Variants in ZNF879 observed in about 807,000 individuals in gnomAD.
ZNF879 encodes the protein zinc finger protein 879.
A neutral mutation model predicts 44.3 loss-of-function variants in ZNF879; 32 were observed. The ratio of observed to expected loss-of-function variants is 0.72; its 90% CI spans 0.54 to 0.97. The LOEUF (loss-of-function observed/expected upper bound fraction) is 0.97, where lower values mean the gene tolerates loss of function less well. ZNF879 is among the 50% of genes least tolerant of loss of function. The pLI, the probability that ZNF879 is intolerant of heterozygous loss-of-function variation, is 0.00. For missense variants in ZNF879, 621 were observed against 669.7 expected (o/e 0.93, Z 0.80); for synonymous variants, 234 against 233.2 (o/e 1.00, Z -0.03).
At position 179,032,270 on chromosome 5, in the gene ZNF879, ATAAT is replaced by A; in HGVS notation, c.324_327del (p.Ile108MetfsTer14). 1 of 1,539,272 alleles carries A rather than the reference ATAAT, an allele frequency of 6.5e-7. No homozygotes were observed. The highest frequency in any genetic ancestry group is 8.7e-7 in the Non-Finnish European group (1 of 1,144,098). On this transcript the variant is annotated frameshift_variant, in exon 5 of 5. Coordinates refer to ENST00000444149, the MANE Select transcript of ZNF879 (RefSeq NM_001136116.3). LOFTEE classifies it low-confidence loss of function (END_TRUNC). ...AAATCAGGAAGTCATGAAAAAACTCATAATTGATGGCACATTTGACTTCAAGTTG... is the reference window on the plus strand; with the variant it reads ...AAATCAGGAAGTCATGAAAAAACTCATGATGGCACATTTGACTTCAAGTTG...
In ZNF879 at chr5:179,034,060, TAGAAA is replaced by T. The variant is rs1761516633; in HGVS notation, c.*426_*430del. 6.5e-6 allele frequency: 1 copy of T among 154,920 alleles called. No individual in the cohort carries two copies. Among genetic ancestry groups the T allele is most frequent in the Admixed American group, 6.4e-5 (1 of 15,520 alleles). 9.6% of individuals were successfully genotyped at this position (154,920 alleles called of 1,614,324 possible). ...GCCAGTGGTACTAGAAAGAATGTTT[TAGAAA>T]AGAAATATGTACAGGTGACCCATAG... On this transcript the variant is annotated 3_prime_UTR_variant, in exon 5 of 5. Transcript: ENST00000444149.
rs865979653 is a variant in ZNF879 at position 179,033,288 on chromosome 5, A to G, written c.1340A>G (p.His447Arg). The G allele has an allele frequency of 6.3e-7, 1 of 1,578,794 alleles. No individual in the cohort carries two copies. Among genetic ancestry groups the G allele is most frequent in the Middle Eastern group, 1.7e-4 (1 of 6,030 alleles). The change falls in exon 5 of 5, where the codon CAC becomes CGC. Residue 447 changes from histidine to arginine, a missense_variant. Physicochemically the swap from His to Arg is conservative, Grantham distance 29. Transcript: ENST00000444149. ...TGGATTTCACGGCTTAATATACATC[A>G]CAGAATTCACACTGGAGAGAAACCA... is the stretch of plus-strand genomic sequence containing the variant. The part of the protein sequence containing the change: ...FSWISRLNIH[H>R]RIHTGEKPYN...
rs1195102619 is a variant in ZNF879 at position 179,032,914 on chromosome 5, G to A, written c.966G>A (p.Gly322=). 1 of 1,569,860 alleles carries A rather than the reference G, an allele frequency of 6.4e-7. No homozygotes were observed. ...AGCCCTATAAGTGTAATGAATGTGG[G>A]AGGGCCTTCAGTCAGTGCTCATCTC... is the stretch of plus-strand genomic sequence containing the variant. ...GEKPYKCNEC[G]RAFSQCSSLI... The change falls in exon 5 of 5, where the codon GGG becomes GGA. Residue 322 remains glycine (G), a synonymous_variant. Coordinates refer to ENST00000444149, the MANE Select transcript of ZNF879 (RefSeq NM_001136116.3).
At chr5:179,030,006 G>A (rs185168109) in intron 4 of ZNF879, among the ~76,000 whole-genome samples, 4 of 152,240 alleles carry the variant, frequency 2.6e-5, no homozygotes, top group Admixed American at 2.6e-4. Context: ...ATATAAAGAG[G>A]CAAAGGTACC....
At chr5:179,026,683 C>G (rs1761280221) in intron 2 of ZNF879, among the ~76,000 whole-genome samples, 1 of 152,178 alleles carries the variant, frequency 6.6e-6, no homozygotes, top group Non-Finnish European at 1.5e-5. Flanking sequence ...GAGATGAGGT[C>G]TCTCTATGTT....
At chr5:179,027,319 C>A in intron 2 of ZNF879, 154 bp from the exon 3 acceptor site, 1 of 1,084,270 alleles carries the variant, frequency 9.2e-7, no homozygotes, top group Non-Finnish European at 1.3e-6. Context: ...GTGTTTCACT[C>A]ACCATAGGTA....
chr5:179,026,760 ATT>A (rs1761282416), intron 2 of ZNF879, among the ~76,000 whole-genome samples: 1 of 152,204 alleles, frequency 6.6e-6, no homozygotes, highest in East Asian at 1.9e-4. Context: ...AAGTGCTGGG[ATT>A]ATAGGCGTAA....
At chr5:179,027,253 A>G (rs1207616633) in intron 2 of ZNF879, among the ~76,000 whole-genome samples, 1 of 152,146 alleles carries the variant, frequency 6.6e-6, no homozygotes, top group East Asian at 1.9e-4. Context: ...ATTTTGTTTC[A>G]TGGGTTCAAG....
Position 179,032,545 on chromosome 5 carries a change from A to G in ZNF879, c.597A>G (p.Thr199=), listed in dbSNP as rs771324143. ...SVLFKQLGVN[T]VRKCYKCNIC... ...TCTTTAAACAACTGGGGGTCAACAC[A>G]GTGCGTAAATGTTATAAATGTAATA... The change falls in exon 5 of 5, where the codon ACA becomes ACG. Residue 199 remains threonine, a synonymous_variant. Transcript: ENST00000444149. 3 of 1,551,710 alleles carry G rather than the reference A, an allele frequency of 1.9e-6. No homozygotes were observed. Among genetic ancestry groups the G allele is most frequent in the South Asian group, 2.4e-5 (2 of 84,062 alleles).
At chr5:179,030,538 A>C (rs1761390641) in intron 4 of ZNF879, among the ~76,000 whole-genome samples, 1 of 152,240 alleles carries the variant, frequency 6.6e-6, no homozygotes, top group African/African-American at 2.4e-5. Flanking sequence ...CATGATTTTT[A>C]AGTGAAATGG....
In ZNF879 at chr5:179,029,099, TG is replaced by T. The variant is rs34130346; in HGVS notation, c.256+973del. 5.1e-3 allele frequency among the ~76,000 whole-genome samples: 397 copies of T among 77,468 alleles called. 1 individual carries two copies. The highest frequency in any genetic ancestry group is 0.027 in the East Asian group (50 of 1,884). 50.8% of individuals were successfully genotyped at this position (77,468 alleles called of 152,430 possible). ...GTTTTGGATCTAGAATTCTGGCATC[TG>T]TTTTTTTTTTTTTTTTTCCTCTCTG... On this transcript the variant is annotated intron_variant, in intron 4 of 4. Coordinates refer to ENST00000444149, the MANE Select transcript of ZNF879 (RefSeq NM_001136116.3).
At chr5:179,031,375 T>C (rs1476527699) in intron 4 of ZNF879, among the ~76,000 whole-genome samples, 1 of 152,212 alleles carries the variant, frequency 6.6e-6, no homozygotes, top group Admixed American at 6.5e-5. Flanking sequence ...CTGCTATATG[T>C]CCTGGAAAAC....
chr5:179,025,159 T>G, intron 2 of ZNF879, 122 bp downstream of exon 2: 1 of 1,056,768 alleles, frequency 9.5e-7, no homozygotes, highest in Non-Finnish European at 1.4e-6. Context: ...GCTTGGTAGC[T>G]GAGAAACTCT....
At chr5:179,029,120 T>C (rs1561735099) in intron 4 of ZNF879, among the ~76,000 whole-genome samples, 1 of 150,000 alleles carries the variant, frequency 6.7e-6, no homozygotes, top group Non-Finnish European at 1.5e-5. Context: ...TTTTTTTTCC[T>C]CTCTGCATTG....
At chr5:179,024,617 G>C (rs1380157111) in intron 1 of ZNF879, 1 of 183,986 alleles carries the variant, frequency 5.4e-6, no homozygotes, top group African/African-American at 2.3e-5. Flanking sequence ...TTTTCGTATT[G>C]AACAACATCC....
intron 4 of ZNF879, among the ~76,000 whole-genome samples, chr5:179,029,511 T>C (rs1472383476): frequency 6.6e-6 from 1 of 152,220 alleles, no homozygotes; most frequent in Non-Finnish European, 1.5e-5. Context: ...ACCAGAATGG[T>C]AGCTATAAAT....
chr5:179,029,030 C>T (rs1052439478), intron 4 of ZNF879, among the ~76,000 whole-genome samples: 2 of 151,080 alleles, frequency 1.3e-5, no homozygotes, highest in Non-Finnish European at 2.9e-5. Flanking sequence ...AATATCTGTA[C>T]GTGTCAAAAA....
chr5:179,028,266 T>G (rs1761324213), intron 4 of ZNF879, 139 bp downstream of exon 4: 2 of 718,514 alleles, frequency 2.8e-6, no homozygotes, highest in Admixed American at 5.1e-5. Flanking sequence ...CTCTTTTGAT[T>G]ACTTGATCCA....
rs1356608470 is a variant in ZNF879 at position 179,032,618 on chromosome 5, A to G, written c.670A>G (p.Arg224Gly). ...LHSSSLSKHQ[R>G]IHTGEKLYKC... The stretch of plus-strand genomic sequence containing the variant: ...CAGTTCCTCCCTGAGTAAACACCAG[A>G]GAATCCACACTGGAGAGAAGCTCTA... The change falls in exon 5 of 5, where the codon AGA becomes GGA. Residue 224 changes from arginine (R) to glycine (G), a missense_variant. Arg to Gly is a moderately radical substitution (Grantham distance 125). Transcript: ENST00000444149. 6.4e-7 allele frequency: 1 copy of G among 1,566,016 alleles called. No homozygotes were observed. The highest frequency in any genetic ancestry group is 8.7e-7 in the Non-Finnish European group (1 of 1,155,370).
Sources: gnomAD v4.1 joint callset for allele counts (sites outside exome capture counted in the v4.1 genomes callset) on GRCh38, gnomAD v4.1.1 for gene constraint, MANE v1.5 for transcripts, NCBI Gene and HGNC (gene_info 2026-07-23, HGNC 2026-07-21) for gene names.